Variants in RAB27B observed in about 807,000 individuals in gnomAD.
The protein encoded by RAB27B is ras-related protein Rab-27B.
In RAB27B, 15 loss-of-function variants were observed where a neutral mutation model predicts 24.6. The ratio of observed to expected loss-of-function variants is 0.61; its 90% CI spans 0.41 to 0.94. The LOEUF (loss-of-function observed/expected upper bound fraction) is 0.94, where lower values mean the gene tolerates loss of function less well. RAB27B is among the 40% of genes least tolerant of loss of function. The pLI is 0.00. For synonymous variants in RAB27B, 105 were observed against 92.5 expected (o/e 1.14, Z -0.78); for missense variants, 261 against 266.8 (o/e 0.98, Z 0.15).
At chr18:54,823,413 TGA>T (rs1426471923) in intron 2 of RAB27B, among the ~76,000 whole-genome samples, 10 of 143,232 alleles carry the variant, frequency 7.0e-5, no homozygotes, top group African/African-American at 2.3e-4. Context: ...ATCTCATCAG[TGA>T]GGGGGTCAAG....
At chr18:54,755,765 T>C (rs901674696) in intron 2 of RAB27B, among the ~76,000 whole-genome samples, 3 of 152,206 alleles carry the variant, frequency 2.0e-5, no homozygotes, top group Non-Finnish European at 4.4e-5. Flanking sequence ...TAATAGCAAA[T>C]GCCCCTGTTT....
chr18:54,772,814 A>G (rs1261780934), intron 2 of RAB27B, among the ~76,000 whole-genome samples: 1 of 152,188 alleles, frequency 6.6e-6, no homozygotes, highest in South Asian at 2.1e-4. Flanking sequence ...AGGTATGGTG[A>G]TTATACCTAC....
chr18:54,851,002 C>A (rs1408792890), intron 1 of RAB27B, among the ~76,000 whole-genome samples: 2 of 151,838 alleles, frequency 1.3e-5, no homozygotes, highest in African/African-American at 4.8e-5. Flanking sequence ...ATTTGCAAAA[C>A]CTCTGAGGAT....
chr18:54,846,769 A>G (rs1228775270), intron 1 of RAB27B, among the ~76,000 whole-genome samples: 2 of 152,244 alleles, frequency 1.3e-5, no homozygotes, highest in Non-Finnish European at 2.9e-5. Flanking sequence ...GAGTAACTTT[A>G]TGCCACAAAG....
At chr18:54,790,018 G>T (rs1451622881) in intron 2 of RAB27B, among the ~76,000 whole-genome samples, 2 of 152,002 alleles carry the variant, frequency 1.3e-5, no homozygotes, top group South Asian at 4.2e-4. Context: ...CATAGCTCTT[G>T]TTAGTCACAG....
chr18:54,840,548 C>T (rs978627027), intron 1 of RAB27B, among the ~76,000 whole-genome samples: 4 of 152,172 alleles, frequency 2.6e-5, no homozygotes, highest in Non-Finnish European at 5.9e-5. Flanking sequence ...GATGGCAGTG[C>T]TATGACCTGG....
At chr18:54,816,954 G>T (rs1398764337) in intron 2 of RAB27B, among the ~76,000 whole-genome samples, 2 of 152,090 alleles carry the variant, frequency 1.3e-5, no homozygotes, top group Non-Finnish European at 2.9e-5. Flanking sequence ...CTCAAGAAAT[G>T]TATTTGCTAT....
intron 2 of RAB27B, among the ~76,000 whole-genome samples, chr18:54,730,589 G>T (rs1008146504): frequency 2.0e-5 from 3 of 152,100 alleles, no homozygotes; most frequent in African/African-American, 4.8e-5. Flanking sequence ...GGTCACGGGG[G>T]TTGATGCCTC....
chr18:54,810,297 T>C (rs568047057), intron 2 of RAB27B, among the ~76,000 whole-genome samples: 39 of 152,310 alleles, frequency 2.6e-4, no homozygotes, highest in African/African-American at 8.4e-4. Flanking sequence ...TAAAAATTAA[T>C]TCTAGGAAAT....
At chr18:54,830,270 C>A (rs888068626) in intron 1 of RAB27B, among the ~76,000 whole-genome samples, 1 of 152,174 alleles carries the variant, frequency 6.6e-6, no homozygotes, top group Non-Finnish European at 1.5e-5. Context: ...ATTTATTTCA[C>A]TGTTTTTCTG....
At chr18:54,812,291 T>G (rs1909987759) in intron 2 of RAB27B, among the ~76,000 whole-genome samples, 1 of 152,076 alleles carries the variant, frequency 6.6e-6, no homozygotes. Flanking sequence ...TCTTTTTTTG[T>G]TGTACATGAT....
upstream of RAB27B, among the ~76,000 whole-genome samples, chr18:54,824,047 T>G (rs960118661): frequency 3.9e-5 from 6 of 152,142 alleles, no homozygotes; most frequent in African/African-American, 1.2e-4. Context: ...CTTTACACAT[T>G]ATTTATTGAT....
intron 2 of RAB27B, among the ~76,000 whole-genome samples, chr18:54,745,770 GTATT>G (rs1387613468): frequency 2.8e-5 from 4 of 145,022 alleles, no homozygotes; most frequent in African/African-American, 7.5e-5. Context: ...ATAAATATAA[GTATT>G]TATAAATATT....
chr18:54,884,009 T>C (rs1416718471), intron 3 of RAB27B, among the ~76,000 whole-genome samples: 3 of 152,184 alleles, frequency 2.0e-5, no homozygotes, highest in Non-Finnish European at 4.4e-5. Context: ...GTGCTTTACA[T>C]TTTAAATGTG....
intron 1 of RAB27B, among the ~76,000 whole-genome samples, chr18:54,854,648 T>C (rs944490086): frequency 2.0e-5 from 3 of 152,218 alleles, no homozygotes; most frequent in African/African-American, 7.2e-5. Context: ...CTGAAATTTG[T>C]CCGCAAGCAG....
intron 2 of RAB27B, among the ~76,000 whole-genome samples, chr18:54,816,647 C>T (rs1910130444): frequency 6.6e-6 from 1 of 152,082 alleles, no homozygotes; most frequent in Non-Finnish European, 1.5e-5. Flanking sequence ...GGTTCCAAAT[C>T]GTGGTTCCAA....
intron 4 of RAB27B, among the ~76,000 whole-genome samples, chr18:54,885,393 TC>T (rs1913091778): frequency 6.6e-6 from 1 of 152,164 alleles, no homozygotes; most frequent in African/African-American, 2.4e-5. Flanking sequence ...ACCTACAAGG[TC>T]ACTGTGATGA....
At chr18:54,723,895 A>G (rs964797264) in intron 2 of RAB27B, among the ~76,000 whole-genome samples, 11 of 152,220 alleles carry the variant, frequency 7.2e-5, no homozygotes, top group African/African-American at 2.7e-4. Context: ...TCATAAAGCA[A>G]TAAGGGCAAC....
At chr18:54,812,974 C>A (rs1045862005) in intron 2 of RAB27B, among the ~76,000 whole-genome samples, 1 of 152,126 alleles carries the variant, frequency 6.6e-6, no homozygotes, top group African/African-American at 2.4e-5. Flanking sequence ...TTCTCTCTCA[C>A]CCTCTGCAAT....
Sources: gnomAD v4.1 joint callset for allele counts (sites outside exome capture counted in the v4.1 genomes callset) on GRCh38, gnomAD v4.1.1 for gene constraint, MANE v1.5 for transcripts, NCBI Gene and HGNC (gene_info 2026-07-23, HGNC 2026-07-21) for gene names.